Variants in ERN1 observed in about 807,000 individuals in gnomAD.
The protein encoded by ERN1 is serine/threonine-protein kinase/endoribonuclease IRE1.
Under a neutral mutation model 113.1 loss-of-function variants are expected in ERN1, and 39 were observed. The observed-to-expected ratio is 0.34, with a 90% CI of 0.27 to 0.45. The LOEUF is 0.45. Among genes scored for constraint, ERN1 ranks in the 20% least tolerant of loss-of-function variants. The pLI, the probability that ERN1 is intolerant of heterozygous loss-of-function variation, is 1.00. For missense variants in ERN1, 976 were observed against 1,274.8 expected, an observed-to-expected ratio of 0.77 and a Z score of 3.57; for synonymous variants, 507 against 515.9, an observed-to-expected ratio of 0.98 and a Z score of 0.23.
chr17:64,047,211 A>C (rs532856373), intron 19 of ERN1, among the ~76,000 whole-genome samples: 2 of 152,154 alleles, frequency 1.3e-5, no homozygotes, highest in Non-Finnish European at 1.5e-5. Context: ...ATACAAAAAA[A>C]CTTAGGCAGG....
intron 19 of ERN1, among the ~76,000 whole-genome samples, chr17:64,046,893 G>A (rs1358908644): frequency 6.6e-6 from 1 of 152,238 alleles, no homozygotes; most frequent in Non-Finnish European, 1.5e-5. Flanking sequence ...GGAAGACTTT[G>A]AAAAACACAT....
intron 1 of ERN1, among the ~76,000 whole-genome samples, chr17:64,108,778 T>C (rs952117724): frequency 1.3e-5 from 2 of 152,140 alleles, no homozygotes; most frequent in African/African-American, 4.8e-5. Context: ...TTACAAAAAG[T>C]CAAATTTTAT....
At chr17:64,056,637 C>T (rs1449572995) in intron 12 of ERN1, among the ~76,000 whole-genome samples, 1 of 152,208 alleles carries the variant, frequency 6.6e-6, no homozygotes, top group African/African-American at 2.4e-5. Flanking sequence ...ATCATCCCTA[C>T]CCATGTGCAG....
At chr17:64,091,769 G>C (rs1025867848) in intron 2 of ERN1, among the ~76,000 whole-genome samples, 5 of 152,144 alleles carry the variant, frequency 3.3e-5, no homozygotes, top group Admixed American at 1.3e-4. Flanking sequence ...AGTTGGGGCG[G>C]GGGGGCGGCG....
intron 1 of ERN1, among the ~76,000 whole-genome samples, chr17:64,105,584 G>A (rs1914503366): frequency 6.6e-6 from 1 of 152,124 alleles, no homozygotes; most frequent in East Asian, 1.9e-4. Flanking sequence ...CTGTGTGTGT[G>A]TGTTTTTGTT....
chr17:64,079,627 C>T (rs1385463936), intron 4 of ERN1, 35 bp downstream of exon 4: 1 of 1,556,004 alleles, frequency 6.4e-7, no homozygotes, highest in Non-Finnish European at 8.9e-7. Context: ...TGGTCTAGAA[C>T]CCCTGGAGTA....
At chr17:64,080,747 G>C (rs1050784195) in intron 3 of ERN1, 28 bp downstream of exon 3, 1 of 1,602,778 alleles carries the variant, frequency 6.2e-7, no homozygotes, top group Non-Finnish European at 8.5e-7. Flanking sequence ...GAATTAAAGG[G>C]AAGTACTGAG....
intron 2 of ERN1, among the ~76,000 whole-genome samples, chr17:64,085,800 C>T (rs1913906153): frequency 6.6e-6 from 1 of 152,170 alleles, no homozygotes; most frequent in Non-Finnish European, 1.5e-5. Context: ...GTGTGGCCAG[C>T]TAGGCCCCTG....
chr17:64,109,563 C>T (rs1914619359), intron 1 of ERN1, among the ~76,000 whole-genome samples: 2 of 152,252 alleles, frequency 1.3e-5, no homozygotes, highest in African/African-American at 4.8e-5. Flanking sequence ...CTCCAATTAG[C>T]TGGATAATCC....
rs745706475 is a variant in ERN1 at position 64,044,029 on chromosome 17, G to A, written c.2893C>T (p.Pro965Ser). 6.2e-7 allele frequency: 1 copy of A among 1,613,290 alleles called. No individual in the cohort carries two copies. The highest frequency in any genetic ancestry group is 8.5e-7 in the Non-Finnish European group (1 of 1,179,676). ...RLFQPYYFHEPPEPQPPVTPD... is the reference protein window; with the variant it reads ...RLFQPYYFHESPEPQPPVTPD... ...GTCACTGGGGGCTGGGGCTCTGGGGGCTCGTGGAAGTAGTAGGGCTGGAAG... is the reference window on the plus strand; with the variant it reads ...GTCACTGGGGGCTGGGGCTCTGGGGACTCGTGGAAGTAGTAGGGCTGGAAG... Residue 965 changes from proline to serine, a missense_variant, in exon 22 of 22, where the codon CCC becomes TCC. Pro to Ser is a moderately conservative substitution (Grantham distance 74, BLOSUM62 -1). Transcript: ENST00000433197. The surrounding 1 kb of genome is among the most constrained non-coding windows in gnomAD (Gnocchi z 4.1).
intron 4 of ERN1, among the ~76,000 whole-genome samples, chr17:64,075,804 T>C (rs191047384): frequency 6.6e-6 from 1 of 152,328 alleles, no homozygotes; most frequent in Admixed American, 6.5e-5. Flanking sequence ...TGTCCTGGCT[T>C]GGAATACAGA....
At chr17:64,123,825 T>G (rs1915012399) in intron 1 of ERN1, among the ~76,000 whole-genome samples, 1 of 152,226 alleles carries the variant, frequency 6.6e-6, no homozygotes, top group Admixed American at 6.5e-5. Context: ...TCTAAATGAT[T>G]GAGTGGTCAA....
intron 2 of ERN1, among the ~76,000 whole-genome samples, chr17:64,089,318 CAAAAAAAAAAAAA>C (rs34094164): frequency 2.1e-4 from 5 of 24,258 alleles, no homozygotes; most frequent in South Asian, 2.6e-3. Context: ...GAATCCATCT[CAAAAAAAAAAAAA>C]AAAAAAAAAA....
At position 64,044,249 on chromosome 17, in the gene ERN1, C is replaced by T. The variant is rs377470911; in HGVS notation, c.2722-49G>A. 8.3e-6 allele frequency: 11 copies of T among 1,332,906 alleles called. No homozygotes were observed. The highest frequency in any genetic ancestry group is 4.5e-5 in the African/African-American group (3 of 67,338). 82.6% of individuals were successfully genotyped at this position (1,332,906 alleles called of 1,614,324 possible). ...GAGATTAGAAAGGGGTTAGAAAGCT[C>T]GGGAAATGTTGGCAAAACACCCTTT... On this transcript the variant is annotated intron_variant, in intron 21 of 21. Transcript: ENST00000433197. The surrounding 1 kb of genome is among the most constrained non-coding windows in gnomAD (Gnocchi z 4.1).
chr17:64,066,614 C>G, intron 8 of ERN1, 57 bp downstream of exon 8: 1 of 1,596,222 alleles, frequency 6.3e-7, no homozygotes, highest in Non-Finnish European at 8.6e-7. Context: ...TACACTGCAA[C>G]AGCACCAGAA....
At chr17:64,085,157 T>TA (rs1412003103) in intron 2 of ERN1, among the ~76,000 whole-genome samples, 4 of 152,174 alleles carry the variant, frequency 2.6e-5, no homozygotes, top group African/African-American at 9.7e-5. Flanking sequence ...ATGGAGTAAT[T>TA]AAGTGTCATT....
intron 5 of ERN1, 198 bp downstream of exon 5, chr17:64,074,976 AT>A: frequency 1.7e-6 from 1 of 574,424 alleles, no homozygotes; most frequent in Non-Finnish European, 3.1e-6. Flanking sequence ...CATATTAATG[AT>A]GTCAATTCTT....
At chr17:64,058,190 C>A (rs1041548191) in intron 11 of ERN1, among the ~76,000 whole-genome samples, 197 bp from the exon 12 acceptor site, 9 of 152,196 alleles carry the variant, frequency 5.9e-5, no homozygotes, top group African/African-American at 2.2e-4. Context: ...AGAGGCCATG[C>A]ATCTTTGCAG....
At chr17:64,129,930 C>A in intron 1 of ERN1, 46 bp downstream of exon 1, 1 of 1,382,584 alleles carries the variant, frequency 7.2e-7, no homozygotes, top group Non-Finnish European at 9.3e-7. Context: ...GGCCCCGACC[C>A]GGCCGTCGCG....
Sources: gnomAD v4.1 joint callset for allele counts (sites outside exome capture counted in the v4.1 genomes callset) on GRCh38, gnomAD v4.1.1 for gene constraint, Gnocchi (gnomAD v3.1) non-coding constraint, MANE v1.5 for transcripts, NCBI Gene and HGNC (gene_info 2026-07-23, HGNC 2026-07-21) for gene names.